The following BAZ2B variants were observed in gnomAD, a reference collection of about 807,000 sequenced individuals.
BAZ2B encodes bromodomain adjacent to zinc finger domain 2B.
In BAZ2B, 91 loss-of-function variants were observed where a neutral mutation model predicts 246.0. The ratio of observed to expected loss-of-function variants is 0.37; its 90% CI spans 0.31 to 0.44. The LOEUF is 0.44. Among genes scored for constraint, BAZ2B ranks in the 20% least tolerant of loss-of-function variants. The probability of loss-of-function intolerance (pLI) is 1.00; values close to 1 mark genes in which losing one functional copy is unlikely to be tolerated. For missense variants in BAZ2B, 2,332 were observed against 2,533.7 expected, an observed-to-expected ratio of 0.92 and a Z score of 1.71; for synonymous variants, 855 against 860.0, an observed-to-expected ratio of 0.99 and a Z score of 0.10.
the BAZ2B span, among the ~76,000 whole-genome samples, chr2:159,643,862 G>A: frequency 1.6e-5 from 2 of 121,596 alleles, no homozygotes; most frequent in Admixed American, 2.1e-4. Context: ...GGCAACAAGA[G>A]TGAAACTCCA....
chr2:159,548,591 G>A (rs2087698927), intron 2 of BAZ2B, among the ~76,000 whole-genome samples: 1 of 152,110 alleles, frequency 6.6e-6, no homozygotes, highest in Non-Finnish European at 1.5e-5. Context: ...TATTAGCTTT[G>A]TTCTTCATTC....
At chr2:159,662,733 T>C in the BAZ2B span, among the ~76,000 whole-genome samples, 5 of 151,842 alleles carry the variant, frequency 3.3e-5, no homozygotes, top group Admixed American at 6.6e-5. Flanking sequence ...GGTTTCACCA[T>C]GTTGGCCAGG....
intron 33 of BAZ2B, among the ~76,000 whole-genome samples, chr2:159,334,449 C>G (rs2065279249): frequency 6.6e-6 from 1 of 152,100 alleles, no homozygotes; most frequent in Non-Finnish European, 1.5e-5. Flanking sequence ...TAACCTTGGT[C>G]TTTGTCCAAA....
chr2:159,449,153 T>G (rs1158624453), intron 4 of BAZ2B, among the ~76,000 whole-genome samples: 1 of 152,124 alleles, frequency 6.6e-6, no homozygotes, highest in Non-Finnish European at 1.5e-5. Context: ...TGGTAGAAAA[T>G]CATTCAATAA....
intron 1 of BAZ2B, among the ~76,000 whole-genome samples, chr2:159,608,556 G>A (rs1004019041): frequency 6.6e-6 from 1 of 152,194 alleles, no homozygotes; most frequent in African/African-American, 2.4e-5. Flanking sequence ...AACCAGATTT[G>A]TTTGAATTTT....
chr2:159,418,871 C>G (rs1048994482), intron 13 of BAZ2B, among the ~76,000 whole-genome samples: 2 of 152,114 alleles, frequency 1.3e-5, no homozygotes, highest in Non-Finnish European at 2.9e-5. Context: ...CTTTGCTCTT[C>G]TCATATTTTT....
chr2:159,697,503 T>C, the BAZ2B span, among the ~76,000 whole-genome samples: 1 of 152,182 alleles, frequency 6.6e-6, no homozygotes, highest in Non-Finnish European at 1.5e-5. Flanking sequence ...AGCTACTTGC[T>C]TTTTAGGGGC....
chr2:159,678,430 T>G, the BAZ2B span, among the ~76,000 whole-genome samples: 1 of 152,224 alleles, frequency 6.6e-6, no homozygotes, highest in Non-Finnish European at 1.5e-5. Context: ...GCATATAGTT[T>G]CTTAGACATT....
chr2:159,620,928 GTAGTAT>G (rs1301886374), upstream of BAZ2B, among the ~76,000 whole-genome samples: 1 of 152,206 alleles, frequency 6.6e-6, no homozygotes, highest in African/African-American at 2.4e-5. Flanking sequence ...ATGATAGACT[GTAGTAT>G]TAAGAGATTG....
At chr2:159,500,148 T>G (rs560420202) in intron 2 of BAZ2B, among the ~76,000 whole-genome samples, 1 of 152,198 alleles carries the variant, frequency 6.6e-6, no homozygotes, top group Non-Finnish European at 1.5e-5. Flanking sequence ...TTTATAGTTT[T>G]GGGTTTTACA....
intron 1 of BAZ2B, among the ~76,000 whole-genome samples, chr2:159,604,969 C>T (rs1693114463): frequency 6.7e-6 from 1 of 148,270 alleles, no homozygotes; most frequent in African/African-American, 2.5e-5. Flanking sequence ...TGTGCGCGCG[C>T]TAGGAGAGAG....
At chr2:159,621,823 G>A in the BAZ2B span, among the ~76,000 whole-genome samples, 7 of 151,174 alleles carry the variant, frequency 4.6e-5, no homozygotes, top group South Asian at 2.1e-4. Flanking sequence ...AATTAGCTAG[G>A]TGCCGGGTAT....
upstream of BAZ2B, among the ~76,000 whole-genome samples, chr2:159,618,542 A>G: frequency 6.6e-6 from 1 of 152,118 alleles, no homozygotes; most frequent in East Asian, 1.9e-4. Context: ...AGTATCTAAG[A>G]CTTCTATCCC....
At chr2:159,383,832 G>A (rs555723914) in intron 23 of BAZ2B, 152 bp from the exon 24 acceptor site, 1 of 627,618 alleles carries the variant, frequency 1.6e-6, no homozygotes, top group East Asian at 2.8e-5. Context: ...GTTCATATAT[G>A]TATGTGTTTA....
At chr2:159,512,479 A>G (rs758522534) in intron 2 of BAZ2B, among the ~76,000 whole-genome samples, 1 of 152,184 alleles carries the variant, frequency 6.6e-6, no homozygotes, top group Non-Finnish European at 1.5e-5. Context: ...TAAGAAACAT[A>G]GCTATTTAGC....
At chr2:159,574,508 T>G (rs1310648845) in intron 1 of BAZ2B, among the ~76,000 whole-genome samples, 2 of 152,060 alleles carry the variant, frequency 1.3e-5, no homozygotes, top group Non-Finnish European at 2.9e-5. Flanking sequence ...ACCCAGCAAT[T>G]CCATTCCTAG....
At position 159,337,015 on chromosome 2, in the gene BAZ2B, C is replaced by G; in HGVS notation, c.5723G>C (p.Ser1908Thr). ...AATGCACAGAGCTACCTGTGCAGCA[C>G]TGCGAGCTTCTGATAATGCCCTTCT... Reference protein sequence around the residue: ...VWRRALSEARSAAQVALCIQQ... With the variant: ...VWRRALSEARTAAQVALCIQQ... The change falls in exon 33 of 37, where the codon AGT becomes ACT. Residue 1908 changes from serine to threonine, a missense_variant. Physicochemically the swap from Ser to Thr is moderately conservative, Grantham distance 58. Around this residue, in one of 9 missense-constraint regions of BAZ2B, gnomAD observed 53 missense variants for 62.0 expected, o/e 0.86. Transcript: ENST00000392783. 1 of 1,611,220 alleles carries G rather than the reference C, an allele frequency of 6.2e-7. No individual in the cohort carries two copies. The highest frequency in any genetic ancestry group is 8.5e-7 in the Non-Finnish European group (1 of 1,177,352).
intron 2 of BAZ2B, among the ~76,000 whole-genome samples, chr2:159,495,761 CGAA>C (rs2081044362): frequency 6.7e-6 from 1 of 148,890 alleles, no homozygotes; most frequent in Admixed American, 6.7e-5. Flanking sequence ...ACATTTTAAT[CGAA>C]GAAGAAATAC....
intron 2 of BAZ2B, among the ~76,000 whole-genome samples, chr2:159,488,966 TA>T (rs1193705544): frequency 6.6e-6 from 1 of 152,152 alleles, no homozygotes; most frequent in Non-Finnish European, 1.5e-5. Context: ...AATTTTACAT[TA>T]AAAAGCCACA....
Sources: gnomAD v4.1 joint callset for allele counts (sites outside exome capture counted in the v4.1 genomes callset) on GRCh38, gnomAD v4.1.1 for gene constraint, gnomAD v4.1.1 regional missense constraint, MANE v1.5 for transcripts, NCBI Gene and HGNC (gene_info 2026-07-23, HGNC 2026-07-21) for gene names.